The following AKAP19 variants were observed in gnomAD, a reference collection of about 807,000 sequenced individuals.
AKAP19 encodes the protein small A-kinase anchoring protein.
chr2:189,892,147 G>C, the AKAP19 span, among the ~76,000 whole-genome samples: 1 of 151,506 alleles, frequency 6.6e-6, no homozygotes, highest in Non-Finnish European at 1.5e-5. Flanking sequence ...CTTTTTTCAT[G>C]GTTCTTAGCG....
chr2:189,926,019 A>G, the AKAP19 span, among the ~76,000 whole-genome samples: 2 of 152,244 alleles, frequency 1.3e-5, no homozygotes, highest in Non-Finnish European at 2.9e-5. Context: ...TGGATTGAGT[A>G]GACTGTGAAA....
the AKAP19 span, among the ~76,000 whole-genome samples, chr2:190,113,896 A>G: frequency 2.0e-5 from 3 of 152,308 alleles, no homozygotes; most frequent in East Asian, 5.8e-4. Context: ...ACCTTGATTC[A>G]GGCTCTCTTT....
At chr2:190,071,686 CATT>C in the AKAP19 span, among the ~76,000 whole-genome samples, 2 of 151,890 alleles carry the variant, frequency 1.3e-5, no homozygotes, top group African/African-American at 4.8e-5. Flanking sequence ...ATATTGATAT[CATT>C]AATATTAATT....
At chr2:190,187,411 T>TA in the AKAP19 span, among the ~76,000 whole-genome samples, 3 of 143,700 alleles carry the variant, frequency 2.1e-5, no homozygotes, top group African/African-American at 7.5e-5. Context: ...AGAAGTTACT[T>TA]TTTTTTTTTT....
the AKAP19 span, among the ~76,000 whole-genome samples, chr2:190,094,732 C>T: frequency 6.6e-6 from 1 of 152,250 alleles, no homozygotes; most frequent in African/African-American, 2.4e-5. Flanking sequence ...TTGTTGGTTC[C>T]TCATTAGCAT....
chr2:190,118,912 A>T, the AKAP19 span, among the ~76,000 whole-genome samples: 1 of 152,222 alleles, frequency 6.6e-6, no homozygotes, highest in Non-Finnish European at 1.5e-5. Flanking sequence ...CAATTAGGAA[A>T]AGAGGAAGTC....
At chr2:190,186,906 C>T in the AKAP19 span, among the ~76,000 whole-genome samples, 471 of 152,172 alleles carry the variant, frequency 3.1e-3, 1 homozygote, top group African/African-American at 0.011. The surrounding 1 kb of genome is among the most constrained non-coding windows in gnomAD (Gnocchi z 5.5). Flanking sequence ...GTGGCGTGAC[C>T]ATGGCTCACT....
chr2:190,001,227 C>CT, the AKAP19 span, among the ~76,000 whole-genome samples: 1 of 152,122 alleles, frequency 6.6e-6, no homozygotes, highest in East Asian at 1.9e-4. Flanking sequence ...TGTTGTCATA[C>CT]TTTAATTTTT....
the AKAP19 span, among the ~76,000 whole-genome samples, chr2:189,888,704 T>C: frequency 1.6e-3 from 244 of 152,332 alleles, no homozygotes; most frequent in African/African-American, 5.8e-3. Context: ...TTTGTAGCAA[T>C]TGTGAATGGG....
the AKAP19 span, among the ~76,000 whole-genome samples, chr2:189,963,199 C>CTTTTTTTTTTTTTT: frequency 2.9e-5 from 4 of 136,842 alleles, no homozygotes; most frequent in African/African-American, 8.6e-5. Context: ...CTTCACTTCT[C>CTTTTTTTTTTTTTT]TTTTTTTTTT....
At chr2:190,126,323 A>AAAAAAAAAAC in the AKAP19 span, among the ~76,000 whole-genome samples, 1 of 141,668 alleles carries the variant, frequency 7.1e-6, no homozygotes, top group African/African-American at 2.6e-5. Context: ...AAAAAAAAAA[A>AAAAAAAAAAC]AGGTGTATAT....
the AKAP19 span, among the ~76,000 whole-genome samples, chr2:190,053,953 G>A: frequency 2.6e-5 from 4 of 152,082 alleles, 1 homozygote; most frequent in African/African-American, 4.8e-5. Flanking sequence ...GTGGAGAGGA[G>A]GGATCACTTA....
the AKAP19 span, among the ~76,000 whole-genome samples, chr2:190,008,045 T>C: frequency 1.3e-5 from 2 of 152,180 alleles, no homozygotes; most frequent in African/African-American, 2.4e-5. Flanking sequence ...TCATTACCTA[T>C]TCCCTGGGCA....
chr2:190,201,575 C>T, the AKAP19 span: 1 of 166,924 alleles, frequency 6.0e-6, no homozygotes, highest in Non-Finnish European at 1.5e-5. Context: ...GAAAATCTAC[C>T]TCTAATTTTA....
At chr2:189,992,517 T>A in the AKAP19 span, among the ~76,000 whole-genome samples, 1 of 102,186 alleles carries the variant, frequency 9.8e-6, no homozygotes, top group Admixed American at 1.2e-4. Context: ...CTCTTTTTGG[T>A]TCCATATAAA....
At chr2:190,149,565 T>G in the AKAP19 span, among the ~76,000 whole-genome samples, 1 of 152,166 alleles carries the variant, frequency 6.6e-6, no homozygotes, top group Non-Finnish European at 1.5e-5. Flanking sequence ...TCCATCTTTA[T>G]TTTGTTTTTG....
chr2:189,944,256 G>T, the AKAP19 span, among the ~76,000 whole-genome samples: 1 of 152,122 alleles, frequency 6.6e-6, no homozygotes, highest in Non-Finnish European at 1.5e-5. Flanking sequence ...GCCTGGTGCT[G>T]TCTTTGTGAT....
chr2:190,003,090 TAAC>T, the AKAP19 span, among the ~76,000 whole-genome samples: 1,299 of 152,250 alleles, frequency 8.5e-3, 8 homozygotes, highest in Non-Finnish European at 0.012. Context: ...AATTAAAAGA[TAAC>T]AAATATTTTT....
chr2:190,198,631 CAAAAA>C, the AKAP19 span, among the ~76,000 whole-genome samples: 12 of 70,588 alleles, frequency 1.7e-4, no homozygotes, highest in African/African-American at 5.3e-4. Context: ...GACCCTGTCT[CAAAAA>C]AAAAAAAAAA....
Sources: allele counts gnomAD v4.1 joint callset (sites outside exome capture counted in the v4.1 genomes callset), GRCh38; gene constraint gnomAD v4.1.1; non-coding constraint Gnocchi (gnomAD v3.1); transcripts MANE v1.5; gene names NCBI Gene and HGNC (gene_info 2026-07-23, HGNC 2026-07-21).